CHL1: variants seen among roughly 807,000 people sequenced by gnomAD.
The protein encoded by CHL1 is neural cell adhesion molecule L1-like protein.
CHL1 carries 96 observed loss-of-function variants against 141.9 expected under a neutral mutation model. The ratio of observed to expected loss-of-function variants is 0.68; its 90% CI spans 0.57 to 0.80. CHL1 has a LOEUF of 0.80. Among genes scored for constraint, CHL1 ranks in the 30% least tolerant of loss-of-function variants. The pLI, the probability that CHL1 is intolerant of heterozygous loss-of-function variation, is 0.00. For missense variants in CHL1, 1,820 were observed against 1,457.2 expected (o/e 1.25, Z -4.05); for synonymous variants, 613 against 502.2 (o/e 1.22, Z -2.95).
chr3:247,985 C>A (rs1024325359), intron 2 of CHL1: 3 of 151,984 alleles, frequency 2.0e-5, no homozygotes, highest in Non-Finnish European at 4.4e-5. Flanking sequence ...CATTCCTATC[C>A]ATATTTGATG....
intron 5 of CHL1, among the ~76,000 whole-genome samples, chr3:333,595 A>G (rs535834081): frequency 2.6e-5 from 4 of 152,338 alleles, no homozygotes; most frequent in African/African-American, 9.6e-5. Flanking sequence ...TATCCAAGAC[A>G]TGGCACAGGG....
chr3:367,818 A>T (rs548740087), intron 15 of CHL1, among the ~76,000 whole-genome samples: 80 of 152,170 alleles, frequency 5.3e-4, no homozygotes, highest in African/African-American at 1.9e-3. Flanking sequence ...AGTCCCTGGT[A>T]TGTGTGATTC....
chr3:244,757 A>C (rs552419909), intron 2 of CHL1, 65 bp downstream of exon 2: 2 of 152,306 alleles, frequency 1.3e-5, no homozygotes, highest in East Asian at 1.9e-4. Context: ...ATTGCAGTAC[A>C]TAGGGCAGGA....
At chr3:305,826 T>C (rs1260550605) in intron 2 of CHL1, among the ~76,000 whole-genome samples, 1 of 151,924 alleles carries the variant, frequency 6.6e-6, no homozygotes, top group East Asian at 1.9e-4. Flanking sequence ...TTTGCCATTA[T>C]TTTCTGTTAC....
chr3:371,304 A>G (rs1362948802), intron 15 of CHL1, among the ~76,000 whole-genome samples: 1 of 152,108 alleles, frequency 6.6e-6, no homozygotes, highest in African/African-American at 2.4e-5. Flanking sequence ...TTGGATGCAT[A>G]TATATTTAGA....
chr3:310,875 C>G (rs1016580102), intron 2 of CHL1, among the ~76,000 whole-genome samples: 5 of 152,296 alleles, frequency 3.3e-5, no homozygotes, highest in Non-Finnish European at 5.9e-5. Context: ...AAAATCCTGT[C>G]CTCCTATTCA....
intron 2 of CHL1, among the ~76,000 whole-genome samples, chr3:272,449 T>C (rs1490376992): frequency 6.6e-6 from 1 of 152,210 alleles, no homozygotes; most frequent in Non-Finnish European, 1.5e-5. Flanking sequence ...GAAGGCAAAC[T>C]GCATTCTTAA....
intron 1 of CHL1, among the ~76,000 whole-genome samples, chr3:225,941 G>A (rs62228290): frequency 0.61 from 91,792 of 151,124 alleles, 30,210 homozygotes; most frequent in Non-Finnish European, 0.76. Flanking sequence ...CCTGGGAGGC[G>A]GAGCTTGCAG....
intron 1 of CHL1, among the ~76,000 whole-genome samples, chr3:238,804 G>A (rs1372325008): frequency 1.3e-5 from 2 of 151,756 alleles, no homozygotes; most frequent in African/African-American, 4.8e-5. Flanking sequence ...GTGGTGGCGG[G>A]TGTCTGTAAT....
At position 408,303 on chromosome 3, in the gene CHL1, T is replaced by C. The variant is rs893918423; in HGVS notation, c.*2592T>C. On this transcript the variant is annotated 3_prime_UTR_variant, in exon 28 of 28. Coordinates refer to ENST00000256509, the MANE Select transcript of CHL1 (RefSeq NM_006614.4). ...TACTGTCAATATCATTTTAATGTAA[T>C]TGATTGTATATAGTCTCAAGAATGG... is the stretch of plus-strand genomic sequence containing the variant. 6.6e-6 allele frequency: 1 copy of C among 152,110 alleles called. No homozygotes were observed. The highest frequency in any genetic ancestry group is 1.5e-5 in the Non-Finnish European group (1 of 68,012). 9.4% of individuals were successfully genotyped at this position (152,110 alleles called of 1,614,324 possible).
At chr3:299,127 G>C (rs1449973172) in intron 2 of CHL1, among the ~76,000 whole-genome samples, 1 of 152,062 alleles carries the variant, frequency 6.6e-6, no homozygotes, top group African/African-American at 2.4e-5. Context: ...GAGAATTCCT[G>C]GTTTCCGTGA....
intron 23 of CHL1, among the ~76,000 whole-genome samples, chr3:393,249 T>G (rs922199217): frequency 2.5e-4 from 17 of 68,524 alleles, no homozygotes; most frequent in East Asian, 1.2e-3. Flanking sequence ...AAAAAAAAAG[T>G]GTTAAGAATG....
chr3:230,399 C>T (rs1701757294), intron 1 of CHL1, among the ~76,000 whole-genome samples: 1 of 152,162 alleles, frequency 6.6e-6, no homozygotes, highest in Non-Finnish European at 1.5e-5. Flanking sequence ...AACAAACCAC[C>T]AGCTGATGAC....
intron 2 of CHL1, among the ~76,000 whole-genome samples, chr3:310,813 A>G (rs561326080): frequency 6.6e-6 from 1 of 152,348 alleles, no homozygotes; most frequent in East Asian, 1.9e-4. Flanking sequence ...ACAAAGGTAT[A>G]GTGACACATA....
intron 2 of CHL1, among the ~76,000 whole-genome samples, chr3:317,270 G>A (rs1369077822): frequency 1.3e-5 from 2 of 151,810 alleles, no homozygotes; most frequent in African/African-American, 2.4e-5. Flanking sequence ...TCAAAAAATG[G>A]GATCACCATT....
chr3:298,116 C>T (rs561335815), intron 2 of CHL1, among the ~76,000 whole-genome samples: 74 of 152,270 alleles, frequency 4.9e-4, no homozygotes, highest in African/African-American at 1.7e-3. Context: ...AGGAAAGAGA[C>T]AACATATCAA....
At chr3:338,719 A>G (rs1702130020) in intron 5 of CHL1, among the ~76,000 whole-genome samples, 1 of 152,216 alleles carries the variant, frequency 6.6e-6, no homozygotes, top group African/African-American at 2.4e-5. Context: ...CTGAAGATTT[A>G]TGGCACGCGA....
intron 19 of CHL1, among the ~76,000 whole-genome samples, chr3:388,796 G>C (rs1707983659): frequency 2.0e-5 from 3 of 152,140 alleles, no homozygotes; most frequent in South Asian, 2.1e-4. Flanking sequence ...GATAGAACCA[G>C]GTGCAAGAAA....
At chr3:232,120 C>T (rs1333241655) in intron 1 of CHL1, among the ~76,000 whole-genome samples, 1 of 151,078 alleles carries the variant, frequency 6.6e-6, no homozygotes, top group East Asian at 1.9e-4. Context: ...GTATATTCAT[C>T]TCCTTAACTG....
Sources: gnomAD v4.1 joint callset for allele counts (sites outside exome capture counted in the v4.1 genomes callset) on GRCh38, gnomAD v4.1.1 for gene constraint, MANE v1.5 for transcripts, NCBI Gene and HGNC (gene_info 2026-07-23, HGNC 2026-07-21) for gene names.